The following KATNAL1 variants were observed in gnomAD, a reference collection of about 807,000 sequenced individuals.
The protein encoded by KATNAL1 is katanin p60 ATPase-containing subunit A-like 1.
In KATNAL1, 32 loss-of-function variants were observed where a neutral mutation model predicts 55.2. The observed-to-expected ratio is 0.58, with a 90% CI of 0.44 to 0.78. The LOEUF is 0.78. Ranked by LOEUF, KATNAL1 falls within the 30% of genes least tolerant of loss-of-function variation. The pLI, the probability that KATNAL1 is intolerant of heterozygous loss-of-function variation, is 0.00. For missense variants in KATNAL1, 466 were observed against 600.9 expected (o/e 0.78, Z 2.35); for synonymous variants, 193 against 193.6 (o/e 1.00, Z 0.02).
chr13:30,291,418 A>C (rs908427907), intron 1 of KATNAL1, among the ~76,000 whole-genome samples: 1 of 152,236 alleles, frequency 6.6e-6, no homozygotes, highest in Non-Finnish European at 1.5e-5. Flanking sequence ...ATTAAAGATG[A>C]CCTAAATTAA....
At chr13:30,304,561 C>T (rs1299614335) in intron 1 of KATNAL1, among the ~76,000 whole-genome samples, 4 of 152,342 alleles carry the variant, frequency 2.6e-5, no homozygotes, top group Admixed American at 6.5e-5. Flanking sequence ...AGCCACTGCG[C>T]CCGGCCTACA....
chr13:30,231,488 A>C lies in KATNAL1; in HGVS notation c.727-16T>G. 2.7e-6 allele frequency: 4 copies of C among 1,493,206 alleles called. No homozygotes were observed. Among genetic ancestry groups the C allele is most frequent in the Non-Finnish European group, 3.6e-6 (4 of 1,117,700 alleles). The allele number at this position is 1,493,206 out of a possible 1,614,324, so 92.5% of individuals were successfully genotyped here. ...TCAGTACACCCTGAAATTTCAAAAG[A>C]CAAATTAAATGATTTATCAGATTAA... On this transcript the variant is annotated splice_polypyrimidine_tract_variant and intron_variant, in intron 6 of 10. Coordinates refer to ENST00000380615, the MANE Select transcript of KATNAL1 (RefSeq NM_032116.5).
chr13:30,221,115 T>TA (rs1301107269), intron 9 of KATNAL1, among the ~76,000 whole-genome samples: 4 of 152,312 alleles, frequency 2.6e-5, no homozygotes, highest in South Asian at 2.1e-4. Context: ...ATCTGTGAGC[T>TA]AAAAAATCTA....
chr13:30,203,954 C>T lies in KATNAL1; in HGVS notation c.*4586G>A, dbSNP rs1872884069. 3.9e-5 allele frequency: 6 copies of T among 151,990 alleles called. No individual in the cohort carries two copies. The South Asian group carries it at 1.2e-3, about 32-fold the overall frequency. 9.4% of individuals were successfully genotyped at this position (151,990 alleles called of 1,614,324 possible). On this transcript the variant is annotated 3_prime_UTR_variant, in exon 11 of 11. Transcript: ENST00000380615. ...ATAAGTAAACTTACAATAATTACAA[C>T]AGAGTTTTTAGCTTTTTCTGTAAAA...
chr13:30,239,552 A>C (rs765110236), intron 6 of KATNAL1, among the ~76,000 whole-genome samples: 8 of 152,224 alleles, frequency 5.3e-5, no homozygotes, highest in Admixed American at 2.0e-4. Context: ...GAAAAAAATT[A>C]TTTGGTCAGG....
At chr13:30,281,628 A>G (rs1379345459) in intron 2 of KATNAL1, 1 of 152,244 alleles carries the variant, frequency 6.6e-6, no homozygotes, top group Non-Finnish European at 1.5e-5. Context: ...ACTTAGGAAA[A>G]CATCAATTTC....
chr13:30,217,907 G>C (rs1053033888), intron 9 of KATNAL1, among the ~76,000 whole-genome samples: 37 of 152,060 alleles, frequency 2.4e-4, no homozygotes, highest in Admixed American at 2.3e-3. Context: ...TTTTCCTGAG[G>C]GACATCTGGG....
intron 1 of KATNAL1, among the ~76,000 whole-genome samples, chr13:30,285,689 G>C (rs1258361224): frequency 6.6e-6 from 1 of 152,218 alleles, no homozygotes; most frequent in African/African-American, 2.4e-5. Context: ...AGTGACTTTG[G>C]AACTGGGTAG....
At chr13:30,213,960 A>G (rs1304017706) in intron 9 of KATNAL1, among the ~76,000 whole-genome samples, 2 of 152,146 alleles carry the variant, frequency 1.3e-5, no homozygotes, top group Non-Finnish European at 1.5e-5. Flanking sequence ...AGGGTATTCA[A>G]TTAGGAAAAG....
At chr13:30,237,096 C>T (rs1876764509) in intron 6 of KATNAL1, among the ~76,000 whole-genome samples, 1 of 152,184 alleles carries the variant, frequency 6.6e-6, no homozygotes, top group South Asian at 2.1e-4. Context: ...ACTGCACTTA[C>T]CACATGGCCT....
chr13:30,300,033 C>T (rs1882762506), intron 1 of KATNAL1, among the ~76,000 whole-genome samples: 1 of 152,026 alleles, frequency 6.6e-6, no homozygotes, highest in Non-Finnish European at 1.5e-5. Flanking sequence ...TTATCTCATG[C>T]CAAGACTAAG....
chr13:30,296,013 G>A (rs1882460504), intron 1 of KATNAL1: 1 of 190,324 alleles, frequency 5.3e-6, no homozygotes, highest in Non-Finnish European at 1.1e-5. Context: ...AGACCAGCCT[G>A]GGCAACATAG....
intron 3 of KATNAL1, among the ~76,000 whole-genome samples, chr13:30,271,291 G>A (rs1403740482): frequency 6.6e-6 from 1 of 152,192 alleles, no homozygotes; most frequent in Non-Finnish European, 1.5e-5. Context: ...CATGTGGTAG[G>A]GCTAGGACAA....
At chr13:30,263,380 CAGG>C (rs1279182065) in intron 3 of KATNAL1, among the ~76,000 whole-genome samples, 6 of 151,362 alleles carry the variant, frequency 4.0e-5, no homozygotes, top group African/African-American at 1.5e-4. Flanking sequence ...GGCAATTAGG[CAGG>C]AGAAGGAAAT....
chr13:30,296,330 GC>G, intron 1 of KATNAL1: 2 of 1,158,642 alleles, frequency 1.7e-6, no homozygotes, highest in South Asian at 2.8e-5. Context: ...CAGCAGCCAT[GC>G]CGAGGACTTC....
intron 6 of KATNAL1, among the ~76,000 whole-genome samples, chr13:30,239,243 C>CT (rs1429555297): frequency 6.6e-6 from 1 of 152,114 alleles, no homozygotes; most frequent in African/African-American, 2.4e-5. Context: ...AACCCAGCCT[C>CT]TACCAAAAAT....
chr13:30,282,758 T>C (rs1452060415), intron 2 of KATNAL1, among the ~76,000 whole-genome samples: 1 of 140,486 alleles, frequency 7.1e-6, no homozygotes, highest in East Asian at 2.1e-4. Context: ...ATCGAGACCA[T>C]CCTGGCTAAC....
chr13:30,291,473 G>GT (rs763219557), intron 1 of KATNAL1, among the ~76,000 whole-genome samples: 3 of 152,158 alleles, frequency 2.0e-5, no homozygotes, highest in Non-Finnish European at 4.4e-5. Context: ...CTCAATATGC[G>GT]TAAGATGTCA....
chr13:30,234,896 C>T (rs1010754739), intron 6 of KATNAL1, among the ~76,000 whole-genome samples: 2 of 152,114 alleles, frequency 1.3e-5, no homozygotes, highest in Non-Finnish European at 2.9e-5. Flanking sequence ...TCACAATAGG[C>T]CCTGAAATTT....
Sources: allele counts gnomAD v4.1 joint callset (sites outside exome capture counted in the v4.1 genomes callset), GRCh38; gene constraint gnomAD v4.1.1; transcripts MANE v1.5; gene names NCBI Gene and HGNC (gene_info 2026-07-23, HGNC 2026-07-21).